Variants in SORCS1 observed in about 807,000 individuals in gnomAD.
The protein encoded by SORCS1 is sortilin related VPS10 domain containing receptor 1.
SORCS1 carries 60 observed loss-of-function variants against 146.1 expected under a neutral mutation model. The ratio of observed to expected loss-of-function variants is 0.41; its 90% CI spans 0.33 to 0.51. SORCS1 has a LOEUF of 0.51. SORCS1 is among the 20% of genes least tolerant of loss of function. The probability of loss-of-function intolerance (pLI) is 0.21; values close to 1 mark genes in which losing one functional copy is unlikely to be tolerated. For synonymous variants in SORCS1, 637 were observed against 584.0 expected (o/e 1.09, Z -1.31); for missense variants, 1,352 against 1,487.6 (o/e 0.91, Z 1.50).
chr10:106,591,638 T>C (rs986750871), intron 24 of SORCS1, among the ~76,000 whole-genome samples: 3 of 152,118 alleles, frequency 2.0e-5, no homozygotes, highest in African/African-American at 7.2e-5. Flanking sequence ...GATATAAAGA[T>C]ATATGAAGAA....
At chr10:106,813,271 T>A (rs1387814083) in intron 3 of SORCS1, among the ~76,000 whole-genome samples, 1 of 151,734 alleles carries the variant, frequency 6.6e-6, no homozygotes, top group Admixed American at 6.6e-5. Context: ...TAGCTGAAAT[T>A]ACAGGCACCC....
At chr10:106,697,742 T>A (rs1314258687) in intron 9 of SORCS1, among the ~76,000 whole-genome samples, 4 of 152,198 alleles carry the variant, frequency 2.6e-5, no homozygotes, top group Admixed American at 1.3e-4. Context: ...TATCTCCATA[T>A]TTTAAGCAAC....
intron 25 of SORCS1, 129 bp from the exon 26 acceptor site, chr10:106,577,684 G>T: frequency 6.8e-7 from 1 of 1,481,058 alleles, no homozygotes; most frequent in Non-Finnish European, 8.9e-7. Context: ...GCAAACAGAG[G>T]CTGTGCTTCA....
intron 3 of SORCS1, among the ~76,000 whole-genome samples, chr10:106,811,107 T>C (rs1254819561): frequency 6.6e-6 from 1 of 151,808 alleles, no homozygotes; most frequent in Admixed American, 6.6e-5. Flanking sequence ...ATCCGGCTAA[T>C]TTTTGTATTT....
intron 1 of SORCS1, among the ~76,000 whole-genome samples, chr10:106,976,401 G>A (rs1297791143): frequency 6.9e-6 from 1 of 144,114 alleles, no homozygotes; most frequent in African/African-American, 2.6e-5. Flanking sequence ...GCGCGATTTC[G>A]GCTCACTGCA....
At chr10:106,899,296 C>A (rs1013696908) in intron 2 of SORCS1, among the ~76,000 whole-genome samples, 1 of 152,156 alleles carries the variant, frequency 6.6e-6, no homozygotes, top group Non-Finnish European at 1.5e-5. Flanking sequence ...AAAAGTAAAA[C>A]ATTCTCTATG....
intron 4 of SORCS1, among the ~76,000 whole-genome samples, chr10:106,769,163 C>T (rs12263286): frequency 0.24 from 36,242 of 152,018 alleles, 4,687 homozygotes; most frequent in Non-Finnish European, 0.29. Context: ...ATAAGTATTG[C>T]CCTTCTGTGA....
In SORCS1 at chr10:107,164,187, C is replaced by A. The variant is rs547300944; in HGVS notation, c.340G>T (p.Asp114Tyr). The change falls in exon 1 of 26, where the codon GAT becomes TAT. Residue 114 changes from aspartate to tyrosine, a missense_variant. Physicochemically the swap from Asp to Tyr is radical, Grantham distance 160. Around this residue, in one of 3 missense-constraint regions of SORCS1, gnomAD observed 490 missense variants for 489.1 expected, o/e 1.00. Transcript: ENST00000263054. The surrounding 1 kb of genome is among the most constrained non-coding windows in gnomAD (Gnocchi z 6.8). ...RSGRRRRSGA[D>Y]QEKAERGEGA... is the part of the protein sequence containing the mutation. ...TCTCCCCGTTCTGCCTTCTCCTGAT[C>A]CGCTCCGCTCCGTCTCCTCCGGCCG... 2.9e-5 allele frequency: 47 copies of A among 1,611,534 alleles called. No homozygotes were observed. Among genetic ancestry groups the A allele is most frequent in the Non-Finnish European group, 3.9e-5 (46 of 1,179,978 alleles).
At chr10:106,694,805 T>C (rs1390132408) in intron 9 of SORCS1, among the ~76,000 whole-genome samples, 1 of 152,194 alleles carries the variant, frequency 6.6e-6, no homozygotes, top group East Asian at 1.9e-4. Context: ...TATGCACACA[T>C]TCTTGTGTAT....
chr10:107,095,111 A>G (rs1022447065), intron 1 of SORCS1, among the ~76,000 whole-genome samples: 1 of 152,206 alleles, frequency 6.6e-6, no homozygotes, highest in African/African-American at 2.4e-5. Context: ...AGGTGAAGTG[A>G]CTGTGGAGGA....
Position 106,709,296 on chromosome 10 carries a change from T to C in SORCS1, c.1070A>G (p.Asn357Ser), listed in dbSNP as rs1034514809. The change falls in exon 7 of 26, where the codon AAC becomes AGC. Residue 357 changes from asparagine (N) to serine (S), a missense_variant. Asn to Ser is a conservative substitution (Grantham distance 46). Transcript: ENST00000263054. ...TCRMQNCTEANRNQPFPGYID... is the reference protein window; with the variant it reads ...TCRMQNCTEASRNQPFPGYID... ...GTAGCCTGGAAAAGGCTGATTCCTG[T>C]TGGCCTCTGTACAGTTCTGCATTCG... is the stretch of plus-strand genomic sequence containing the variant. The C allele has an allele frequency of 3.1e-6, 5 of 1,613,896 alleles. No homozygotes were observed. The African/African-American group carries it at 4.0e-5, about 13-fold the overall frequency.
chr10:106,829,584 T>C lies in SORCS1; in HGVS notation c.716A>G (p.Asn239Ser), dbSNP rs776510249. 3 of 1,591,768 alleles carry C rather than the reference T, an allele frequency of 1.9e-6. No individual in the cohort carries two copies. The highest frequency in any genetic ancestry group is 2.6e-6 in the Non-Finnish European group (3 of 1,162,718). Reference sequence around the variant, plus strand: ...ATATACATTTCTTACCTTACGCTTGTTGGTAGGACACACATAGAGATAGCT... The same window carrying C: ...ATATACATTTCTTACCTTACGCTTGCTGGTAGGACACACATAGAGATAGCT... ...ILSYLYVCPT[N>S]KRKIMLLTDP... Residue 239 changes from asparagine to serine, a missense_variant, in exon 3 of 26, where the codon AAC becomes AGC. Around this residue, in one of 3 missense-constraint regions of SORCS1, gnomAD observed 490 missense variants for 489.1 expected, o/e 1.00. Transcript: ENST00000263054.
At chr10:106,959,293 T>C (rs557878028) in intron 1 of SORCS1, among the ~76,000 whole-genome samples, 2 of 152,348 alleles carry the variant, frequency 1.3e-5, no homozygotes, top group Admixed American at 6.5e-5. Context: ...TTTGAAAGCA[T>C]ATCTGCTTGA....
chr10:106,603,724 G>C (rs895985592), intron 23 of SORCS1, among the ~76,000 whole-genome samples: 9 of 152,136 alleles, frequency 5.9e-5, no homozygotes, highest in Admixed American at 4.6e-4. Context: ...TTCAAAGGAG[G>C]GGGTTCATTT....
chr10:106,604,445 T>C (rs1321098551), intron 23 of SORCS1, among the ~76,000 whole-genome samples: 1 of 152,172 alleles, frequency 6.6e-6, no homozygotes, highest in Non-Finnish European at 1.5e-5. Flanking sequence ...AGGGTAATAA[T>C]GTTCTCCACA....
chr10:106,677,466 G>C, intron 12 of SORCS1, 62 bp from the exon 13 acceptor site: 1 of 1,438,824 alleles, frequency 7.0e-7, no homozygotes, highest in Admixed American at 1.7e-5. Context: ...AGGCTTCAGA[G>C]AATCAGTCTT....
At chr10:106,744,591 C>G (rs755655287) in intron 5 of SORCS1, among the ~76,000 whole-genome samples, 1 of 152,108 alleles carries the variant, frequency 6.6e-6, no homozygotes, top group Non-Finnish European at 1.5e-5. Context: ...GAATATTTAC[C>G]TTATGACTAT....
intron 8 of SORCS1, among the ~76,000 whole-genome samples, chr10:106,703,666 A>G (rs1854297375): frequency 6.6e-6 from 1 of 152,210 alleles, no homozygotes; most frequent in Non-Finnish European, 1.5e-5. Flanking sequence ...AATTGAGCAT[A>G]AAAGTGCTGG....
chr10:106,618,085 A>C (rs537082125), intron 21 of SORCS1, 64 bp downstream of exon 21: 2 of 1,600,044 alleles, frequency 1.2e-6, no homozygotes, highest in South Asian at 2.2e-5. Flanking sequence ...CTCTGGCATC[A>C]TGGCACAAGA....
Sources: allele counts gnomAD v4.1 joint callset (sites outside exome capture counted in the v4.1 genomes callset), GRCh38; gene constraint gnomAD v4.1.1; regional missense constraint gnomAD v4.1.1; non-coding constraint Gnocchi (gnomAD v3.1); transcripts MANE v1.5; gene names NCBI Gene and HGNC (gene_info 2026-07-23, HGNC 2026-07-21).